PAK5: variants seen among roughly 807,000 people sequenced by gnomAD.
PAK5 encodes the protein serine/threonine-protein kinase PAK 5.
A neutral mutation model predicts 65.9 loss-of-function variants in PAK5; 16 were observed. The ratio of observed to expected loss-of-function variants is 0.24; its 90% confidence interval spans 0.16 to 0.37. The LOEUF (loss-of-function observed/expected upper bound fraction) is 0.37, where lower values mean the gene tolerates loss of function less well. Among genes scored for constraint, PAK5 ranks in the 10% least tolerant of loss-of-function variants. The pLI is 1.00. For synonymous variants in PAK5, 371 were observed against 354.9 expected, an observed-to-expected ratio of 1.05 and a Z score of -0.51; for missense variants, 785 against 903.9, an observed-to-expected ratio of 0.87 and a Z score of 1.69.
intron 3 of PAK5, among the ~76,000 whole-genome samples, chr20:9,589,143 G>A (rs1408490580): frequency 6.6e-6 from 1 of 152,142 alleles, no homozygotes; most frequent in Non-Finnish European, 1.5e-5. Flanking sequence ...TGTCTTTCAG[G>A]TAAATATAGC....
intron 1 of PAK5, among the ~76,000 whole-genome samples, chr20:9,770,872 T>C (rs1370269731): frequency 6.6e-6 from 1 of 152,092 alleles, no homozygotes; most frequent in African/African-American, 2.4e-5. Context: ...CAAGGATAGA[T>C]AAACAGCAAA....
chr20:9,738,450 T>C (rs1319291980), intron 1 of PAK5, among the ~76,000 whole-genome samples: 1 of 152,134 alleles, frequency 6.6e-6, no homozygotes, highest in Non-Finnish European at 1.5e-5. Flanking sequence ...AAACAACTTG[T>C]GCTATATTCA....
intron 2 of PAK5, among the ~76,000 whole-genome samples, chr20:9,701,290 A>C (rs1185247387): frequency 2.6e-5 from 4 of 152,160 alleles, no homozygotes. Flanking sequence ...ACCACTTACT[A>C]TCATGTTTCT....
chr20:9,681,310 G>A (rs1255536391), intron 2 of PAK5, among the ~76,000 whole-genome samples: 1 of 151,952 alleles, frequency 6.6e-6, no homozygotes, highest in Non-Finnish European at 1.5e-5. Context: ...AGCAACATAT[G>A]CTTCTTATTT....
chr20:9,765,744 C>G (rs2048749829), intron 1 of PAK5, among the ~76,000 whole-genome samples: 1 of 152,102 alleles, frequency 6.6e-6, no homozygotes, highest in Admixed American at 6.5e-5. Flanking sequence ...TTTTCTTTCC[C>G]AGGTTCTACT....
chr20:9,599,952 T>C (rs938031657), intron 3 of PAK5, among the ~76,000 whole-genome samples: 2 of 152,200 alleles, frequency 1.3e-5, no homozygotes, highest in African/African-American at 4.8e-5. Context: ...GCTTCCGCCA[T>C]GTTTCCTTCT....
intron 2 of PAK5, among the ~76,000 whole-genome samples, chr20:9,666,570 A>G (rs757542374): frequency 1.2e-4 from 19 of 152,176 alleles, no homozygotes; most frequent in Non-Finnish European, 2.2e-4. Context: ...TGCCTGATCA[A>G]TGATACCCAT....
At chr20:9,644,399 G>A in intron 2 of PAK5, 60 bp from the exon 3 acceptor site, 1 of 1,088,428 alleles carries the variant, frequency 9.2e-7, no homozygotes, top group South Asian at 1.3e-5. Flanking sequence ...AAGACCAGGA[G>A]AAAGCTATTG....
At chr20:9,770,242 G>A (rs2048818091) in intron 1 of PAK5, among the ~76,000 whole-genome samples, 1 of 152,150 alleles carries the variant, frequency 6.6e-6, no homozygotes, top group Admixed American at 6.5e-5. Flanking sequence ...TGTAGGCAGA[G>A]AACATGAGCG....
intron 3 of PAK5, among the ~76,000 whole-genome samples, chr20:9,595,081 A>ATATAT (rs1253937737): frequency 2.6e-5 from 4 of 151,174 alleles, no homozygotes; most frequent in African/African-American, 9.7e-5. Context: ...ACATATACAT[A>ATATAT]TATATATACA....
At chr20:9,615,422 C>A (rs925356279) in intron 3 of PAK5, among the ~76,000 whole-genome samples, 1 of 152,088 alleles carries the variant, frequency 6.6e-6, no homozygotes, top group Admixed American at 6.5e-5. Flanking sequence ...TGTGTAGGGG[C>A]AGGGGGCATA....
chr20:9,633,419 T>G (rs1034104455), intron 3 of PAK5, among the ~76,000 whole-genome samples: 2 of 152,152 alleles, frequency 1.3e-5, no homozygotes, highest in African/African-American at 4.8e-5. Flanking sequence ...AACTTAGAAA[T>G]TGGGTGAATT....
chr20:9,806,024 G>T (rs2049227428), intron 1 of PAK5, among the ~76,000 whole-genome samples: 2 of 152,150 alleles, frequency 1.3e-5, no homozygotes, highest in South Asian at 4.1e-4. Context: ...GAGTGCAGTG[G>T]CATGATCTCA....
chr20:9,744,425 T>G (rs764042205), intron 1 of PAK5, among the ~76,000 whole-genome samples: 1 of 152,204 alleles, frequency 6.6e-6, no homozygotes, highest in African/African-American at 2.4e-5. Flanking sequence ...ATGTAAGAGC[T>G]AGATCATTTA....
At chr20:9,745,424 T>C (rs2048495530) in intron 1 of PAK5, among the ~76,000 whole-genome samples, 1 of 151,904 alleles carries the variant, frequency 6.6e-6, no homozygotes, top group African/African-American at 2.4e-5. Context: ...GTTTGTGAAA[T>C]GAAAAGGGCC....
chr20:9,548,401 A>G (rs974502684), intron 7 of PAK5, among the ~76,000 whole-genome samples: 1 of 151,676 alleles, frequency 6.6e-6, no homozygotes, highest in Non-Finnish European at 1.5e-5. Context: ...ATTATACTTT[A>G]AGTTTTAGGG....
rs747547035 is a variant in PAK5, at chr20:9,592,143, C to T, written c.205-11213G>A. On this transcript the variant is annotated intron_variant, in intron 3 of 9. Coordinates refer to ENST00000353224, the MANE Select transcript of PAK5 (RefSeq NM_177990.4). ...ACCCCATTAAATATTAAGGTCATCA[C>T]GGACATAAAGATGGAGAGAATAGAC... Among the ~76,000 whole-genome samples, 2 of 152,052 alleles carry T rather than the reference C, an allele frequency of 1.3e-5. 1 individual carries two copies. The highest frequency in any genetic ancestry group is 4.1e-4 in the South Asian group (2 of 4,822).
At chr20:9,616,057 G>A (rs572417350) in intron 3 of PAK5, among the ~76,000 whole-genome samples, 7 of 152,194 alleles carry the variant, frequency 4.6e-5, no homozygotes, top group East Asian at 1.9e-4. Flanking sequence ...CCAGTCCCAC[G>A]TCAAGGGGAG....
chr20:9,731,984 T>C (rs572325536), intron 1 of PAK5, among the ~76,000 whole-genome samples: 1 of 152,274 alleles, frequency 6.6e-6, no homozygotes, highest in East Asian at 1.9e-4. Context: ...AATGAAAGTA[T>C]TAGTCTTTAA....
Sources: allele counts gnomAD v4.1 joint callset (sites outside exome capture counted in the v4.1 genomes callset), GRCh38; gene constraint gnomAD v4.1.1; transcripts MANE v1.5; gene names NCBI Gene and HGNC (gene_info 2026-07-23, HGNC 2026-07-21).